The following CCNY variants were observed in gnomAD, a reference collection of about 807,000 sequenced individuals.
CCNY encodes cyclin-Y.
CCNY carries 19 observed loss-of-function variants against 42.8 expected under a neutral mutation model. That is an observed-to-expected ratio of 0.44 (90% CI 0.31 to 0.65). The LOEUF (loss-of-function observed/expected upper bound fraction) is 0.65, where lower values mean the gene tolerates loss of function less well. Among genes scored for constraint, CCNY ranks in the 30% least tolerant of loss-of-function variants. The pLI is 0.07. For missense variants in CCNY, 370 were observed against 437.3 expected, an observed-to-expected ratio of 0.85 and a Z score of 1.37; for synonymous variants, 165 against 162.7, an observed-to-expected ratio of 1.01 and a Z score of -0.11.
intron 1 of CCNY, among the ~76,000 whole-genome samples, chr10:35,379,532 A>G (rs1452081022): frequency 1.3e-5 from 2 of 152,208 alleles, no homozygotes; most frequent in Non-Finnish European, 2.9e-5. Flanking sequence ...CAGCGAGGGA[A>G]GTGATTGAGT....
intron 1 of CCNY, among the ~76,000 whole-genome samples, chr10:35,428,451 G>A (rs1047971758): frequency 1.3e-5 from 2 of 152,210 alleles, no homozygotes; most frequent in African/African-American, 4.8e-5. Flanking sequence ...ATGAGAGAGC[G>A]TGCACATGTG....
chr10:35,294,125 A>T (rs1589021030), intron 3 of CCNY, among the ~76,000 whole-genome samples: 1 of 152,124 alleles, frequency 6.6e-6, no homozygotes, highest in East Asian at 1.9e-4. Context: ...TTATCCTGAA[A>T]CTTTACAGAA....
At chr10:35,431,225 T>G (rs2135279195) in intron 1 of CCNY, among the ~76,000 whole-genome samples, 1 of 152,094 alleles carries the variant, frequency 6.6e-6, no homozygotes, top group Non-Finnish European at 1.5e-5. Flanking sequence ...TTTAAATTAC[T>G]CCATTACTGT....
rs530698722 is a variant in CCNY at position 35,371,497 on chromosome 10, C to T, written c.154+34290C>T. ...CTTCTCAGTGACCTTCACTGACCTT[C>T]CCTTGTATGTGAGGTTCTCCATGAT... On this transcript the variant is annotated intron_variant, in intron 1 of 9. Coordinates refer to ENST00000374704, the MANE Select transcript of CCNY (RefSeq NM_145012.6). Among the ~76,000 whole-genome samples, 10 of 152,338 alleles carry T rather than the reference C, an allele frequency of 6.6e-5. 1 individual carries two copies. In the South Asian group the frequency reaches 1.4e-3, roughly 22 times the overall value.
chr10:35,515,925 A>G (rs1348521025), intron 3 of CCNY, among the ~76,000 whole-genome samples: 4 of 152,230 alleles, frequency 2.6e-5, no homozygotes, highest in African/African-American at 9.6e-5. Flanking sequence ...AAGGTCATTC[A>G]TTGGTTGTAT....
chr10:35,429,912 G>T (rs1198119468), intron 1 of CCNY, among the ~76,000 whole-genome samples: 2 of 152,190 alleles, frequency 1.3e-5, no homozygotes, highest in Admixed American at 1.3e-4. Context: ...TTACAGTTCA[G>T]TAGTGACTGG....
intron 1 of CCNY, among the ~76,000 whole-genome samples, chr10:35,379,612 C>T (rs1450023506): frequency 6.6e-6 from 1 of 152,218 alleles, no homozygotes; most frequent in African/African-American, 2.4e-5. Flanking sequence ...CCTGGAACTC[C>T]ACATTTCCTC....
chr10:35,494,914 C>T (rs1839977043), intron 2 of CCNY, among the ~76,000 whole-genome samples: 1 of 152,172 alleles, frequency 6.6e-6, no homozygotes, highest in Admixed American at 6.5e-5. Context: ...TTGGATTAAA[C>T]AGGTTGGGCC....
chr10:35,552,600 A>G (rs918330223), intron 7 of CCNY, among the ~76,000 whole-genome samples: 2 of 152,256 alleles, frequency 1.3e-5, no homozygotes, highest in African/African-American at 2.4e-5. Flanking sequence ...TAGGCTTATC[A>G]ACAACTGCAT....
intron 7 of CCNY, among the ~76,000 whole-genome samples, chr10:35,532,346 T>C (rs957070765): frequency 1.3e-5 from 2 of 152,240 alleles, no homozygotes; most frequent in African/African-American, 4.8e-5. Flanking sequence ...GTGTTTGGCA[T>C]CTTGGCATGC....
intron 1 of CCNY, among the ~76,000 whole-genome samples, chr10:35,376,049 C>G (rs1447536593): frequency 6.6e-6 from 1 of 152,140 alleles, no homozygotes; most frequent in Non-Finnish European, 1.5e-5. Context: ...GGGGTCGTGG[C>G]TCAGGTATTC....
chr10:35,538,174 A>G (rs942386783), intron 7 of CCNY, among the ~76,000 whole-genome samples: 1 of 152,084 alleles, frequency 6.6e-6, no homozygotes, highest in Non-Finnish European at 1.5e-5. Flanking sequence ...TTCCACCATG[A>G]TTGTGAGGCT....
rs1013741901 is a variant in CCNY at position 35,569,740 on chromosome 10, A to G, written c.*570A>G. 8.4e-5 allele frequency: 13 copies of G among 154,690 alleles called. No individual in the cohort carries two copies. The highest frequency in any genetic ancestry group is 5.1e-4 in the Admixed American group (8 of 15,694). The allele number at this position is 154,690 out of a possible 1,614,324, so 9.6% of individuals were successfully genotyped here. On this transcript the variant is annotated 3_prime_UTR_variant, in exon 10 of 10. Transcript: ENST00000374704. ...AATAGTACTGGTCATTTCTCTCTGC[A>G]CTATTTCTGCGCGCTGTCTTCTGAG...
intron 9 of CCNY, among the ~76,000 whole-genome samples, chr10:35,568,174 A>G (rs1841609183): frequency 6.6e-6 from 1 of 152,210 alleles, no homozygotes; most frequent in East Asian, 1.9e-4. Flanking sequence ...AGTCACCCTG[A>G]GAGCACAGGC....
chr10:35,513,354 T>G (rs1227043485), intron 3 of CCNY, among the ~76,000 whole-genome samples: 3 of 152,214 alleles, frequency 2.0e-5, no homozygotes, highest in Non-Finnish European at 4.4e-5. Flanking sequence ...CCAAGACACT[T>G]ACTGTATTTG....
intron 1 of CCNY, among the ~76,000 whole-genome samples, chr10:35,479,998 T>C (rs572821650): frequency 6.6e-6 from 1 of 152,072 alleles, no homozygotes; most frequent in Non-Finnish European, 1.5e-5. Flanking sequence ...TTTCCCCTTT[T>C]TTTTTTTGTT....
chr10:35,548,779 T>C (rs2135445219), intron 7 of CCNY, among the ~76,000 whole-genome samples: 1 of 152,030 alleles, frequency 6.6e-6, no homozygotes, highest in East Asian at 1.9e-4. Flanking sequence ...GCATTCGGTG[T>C]AACTGTTACC....
intron 7 of CCNY, among the ~76,000 whole-genome samples, chr10:35,547,768 G>A (rs1390793190): frequency 1.3e-5 from 2 of 152,132 alleles, no homozygotes; most frequent in Non-Finnish European, 2.9e-5. Flanking sequence ...CAGGGAGCAC[G>A]CTCTGCCGGC....
Position 35,451,718 on chromosome 10 carries a change from G to A in CCNY, c.155-31686G>A, listed in dbSNP as rs976271043. Among the ~76,000 whole-genome samples the A allele has an allele frequency of 2.6e-5, 4 of 152,202 alleles. No homozygotes were observed. In the East Asian group the frequency reaches 7.7e-4, roughly 29 times the overall value. ...GTCCCCCATAGTGCCTGGGCCACAC[G>A]GGGCTGGGCCTGTTAACCAGGGCAG... is the stretch of plus-strand genomic sequence containing the variant. On this transcript the variant is annotated intron_variant, in intron 1 of 9. Coordinates refer to ENST00000374704, the MANE Select transcript of CCNY (RefSeq NM_145012.6).
Sources: gnomAD v4.1 joint callset for allele counts (sites outside exome capture counted in the v4.1 genomes callset) on GRCh38, gnomAD v4.1.1 for gene constraint, MANE v1.5 for transcripts, NCBI Gene and HGNC (gene_info 2026-07-23, HGNC 2026-07-21) for gene names.